The following RTN4 variants were observed in gnomAD, a reference collection of about 807,000 sequenced individuals.
The protein encoded by RTN4 is reticulon 4, also known as reticulon-4.
In RTN4, 32 loss-of-function variants were observed where a neutral mutation model predicts 90.4. That is an observed-to-expected ratio of 0.35 (90% CI 0.27 to 0.48). RTN4 has a LOEUF of 0.48. Ranked by LOEUF, RTN4 falls within the 20% of genes least tolerant of loss-of-function variation. The pLI is 0.99. For synonymous variants in RTN4, 629 were observed against 552.5 expected, an observed-to-expected ratio of 1.14 and a Z score of -1.94; for missense variants, 1,706 against 1,430.2, an observed-to-expected ratio of 1.19 and a Z score of -3.11.
At chr2:55,062,525 G>C (rs1373943648) in intron 2 of RTN4, among the ~76,000 whole-genome samples, 2 of 152,172 alleles carry the variant, frequency 1.3e-5, no homozygotes, top group Non-Finnish European at 2.9e-5. Flanking sequence ...CCCTGAGAGG[G>C]GGACAAGGGA....
intron 1 of RTN4, among the ~76,000 whole-genome samples, chr2:55,029,194 C>T (rs968144778): frequency 6.6e-6 from 1 of 152,134 alleles, no homozygotes; most frequent in Non-Finnish European, 1.5e-5. Context: ...CACCTATAAG[C>T]CAGGAGAAGA....
intron 5 of RTN4, among the ~76,000 whole-genome samples, chr2:54,976,070 T>C (rs561616563): frequency 2.3e-4 from 35 of 152,344 alleles, no homozygotes; most frequent in Admixed American, 5.2e-4. Flanking sequence ...AAGTTTACTA[T>C]AGAGTAAGAG....
intron 1 of RTN4, among the ~76,000 whole-genome samples, chr2:55,048,072 T>C (rs1055168338): frequency 6.6e-6 from 1 of 152,236 alleles, no homozygotes; most frequent in African/African-American, 2.4e-5. Flanking sequence ...CAATTGCTCC[T>C]AGGCTACTAA....
intron 4 of RTN4, among the ~76,000 whole-genome samples, chr2:54,985,439 CATGAG>C (rs1678482609): frequency 6.6e-6 from 1 of 152,084 alleles, no homozygotes; most frequent in South Asian, 2.1e-4. Context: ...GTATTACAGG[CATGAG>C]CCAACACGTT....
chr2:55,046,498 A>G (rs1667740174), intron 1 of RTN4, among the ~76,000 whole-genome samples: 1 of 152,106 alleles, frequency 6.6e-6, no homozygotes, highest in South Asian at 2.1e-4. Flanking sequence ...TCACCTTCTA[A>G]GCCTGTCTTA....
At chr2:55,128,124 G>A in the RTN4 span, among the ~76,000 whole-genome samples, 1 of 152,062 alleles carries the variant, frequency 6.6e-6, no homozygotes, top group Non-Finnish European at 1.5e-5. Context: ...GGGATTATAG[G>A]CATGAGCCAC....
chr2:55,027,621 G>T, intron 2 of RTN4, 136 bp from the exon 3 acceptor site: 1 of 839,676 alleles, frequency 1.2e-6, no homozygotes, highest in South Asian at 1.9e-5. Context: ...CAATTAATAA[G>T]TAACAATAGA....
intron 3 of RTN4, among the ~76,000 whole-genome samples, chr2:54,995,912 C>T (rs527840532): frequency 5.9e-5 from 9 of 151,856 alleles, no homozygotes; most frequent in East Asian, 1.9e-4. Flanking sequence ...CACATTATAA[C>T]GAAACAACAC....
chr2:55,082,205 C>T (rs1668734105), intron 1 of RTN4, among the ~76,000 whole-genome samples: 1 of 152,166 alleles, frequency 6.6e-6, no homozygotes. Flanking sequence ...AGAGCTGGAT[C>T]CAAAGGGCTC....
intron 1 of RTN4, among the ~76,000 whole-genome samples, chr2:55,032,161 A>G (rs1479557787): frequency 1.3e-5 from 2 of 151,846 alleles, no homozygotes; most frequent in Non-Finnish European, 2.9e-5. Context: ...GCTCACTGCA[A>G]CCTCCACCTC....
chr2:55,091,390 G>A (rs1039476976), intron 1 of RTN4, among the ~76,000 whole-genome samples: 3 of 152,108 alleles, frequency 2.0e-5, no homozygotes, highest in African/African-American at 7.2e-5. Context: ...TTTTCTGCCT[G>A]GAATGCTTTT....
intron 3 of RTN4, among the ~76,000 whole-genome samples, chr2:55,008,015 CTATGTAAATGTCATTTGTCATAAGTAT>C (rs1680360640): frequency 6.6e-6 from 1 of 151,988 alleles, no homozygotes; most frequent in African/African-American, 2.4e-5. Flanking sequence ...TAATCGAATA[CTATGTAAATGTCATTTGTCATAAGTAT>C]CCTAAACAGA....
intron 1 of RTN4, among the ~76,000 whole-genome samples, chr2:55,046,602 C>T (rs749172582): frequency 3.9e-5 from 6 of 152,148 alleles, no homozygotes; most frequent in African/African-American, 1.2e-4. Context: ...ATTCTGGGTT[C>T]TTTATTTATG....
chr2:55,130,754 C>T, the RTN4 span, among the ~76,000 whole-genome samples: 24 of 152,034 alleles, frequency 1.6e-4, no homozygotes, highest in African/African-American at 5.6e-4. Context: ...AATTGAGGCT[C>T]TGAGAGGTAA....
intron 1 of RTN4, among the ~76,000 whole-genome samples, chr2:55,030,273 T>C (rs17347089): frequency 0.28 from 41,817 of 152,040 alleles, 6,122 homozygotes; most frequent in Non-Finnish European, 0.33. Flanking sequence ...TCCTGGAATT[T>C]TTCTAAGTAA....
the RTN4 span, among the ~76,000 whole-genome samples, chr2:55,133,142 C>G: frequency 4.6e-5 from 7 of 152,058 alleles, no homozygotes; most frequent in African/African-American, 1.7e-4. Context: ...ACCCAGGAAG[C>G]AGAGGTTCCA....
At chr2:55,136,058 A>G in the RTN4 span, among the ~76,000 whole-genome samples, 3 of 152,176 alleles carry the variant, frequency 2.0e-5, no homozygotes, top group African/African-American at 7.2e-5. Context: ...CTCTAAAATA[A>G]TAATTGGTCA....
intron 3 of RTN4, chr2:55,010,422 T>G: frequency 8.9e-7 from 1 of 1,128,008 alleles, no homozygotes. Flanking sequence ...GAGCTGCATT[T>G]GCAGGGAGAG....
At chr2:55,059,621 G>C (rs1415957144) in intron 2 of RTN4, among the ~76,000 whole-genome samples, 2 of 151,992 alleles carry the variant, frequency 1.3e-5, no homozygotes, top group Non-Finnish European at 2.9e-5. Flanking sequence ...ATCGCTTGAG[G>C]TCAGGAGTTC....
Sources: allele counts gnomAD v4.1 joint callset (sites outside exome capture counted in the v4.1 genomes callset), GRCh38; gene constraint gnomAD v4.1.1; transcripts MANE v1.5; gene names NCBI Gene and HGNC (gene_info 2026-07-23, HGNC 2026-07-21).